Variants in PRDM16 observed in about 807,000 individuals in gnomAD.
PRDM16 encodes the protein histone-lysine N-methyltransferase PRDM16.
PRDM16 carries 23 observed loss-of-function variants against 110.6 expected under a neutral mutation model. The ratio of observed to expected loss-of-function variants is 0.21; its 90% CI spans 0.15 to 0.29. The LOEUF (loss-of-function observed/expected upper bound fraction) is 0.29, where lower values mean the gene tolerates loss of function less well. PRDM16 is among the 10% of genes least tolerant of loss of function. The probability of loss-of-function intolerance (pLI) is 1.00; values close to 1 mark genes in which losing one functional copy is unlikely to be tolerated. For synonymous variants in PRDM16, 799 were observed against 781.8 expected (o/e 1.02, Z -0.37); for missense variants, 1,615 against 1,794.3 (o/e 0.90, Z 1.81).
At chr1:3,139,658 A>AT (rs35271327) in intron 1 of PRDM16, among the ~76,000 whole-genome samples, 7,233 of 152,162 alleles carry the variant, frequency 0.048, 247 homozygotes, top group Non-Finnish European at 0.067. Flanking sequence ...CCCGGCTGTG[A>AT]TTTTTTTCTC....
chr1:3,104,256 G>A (rs889112050), intron 1 of PRDM16, among the ~76,000 whole-genome samples: 1 of 152,222 alleles, frequency 6.6e-6, no homozygotes, highest in Non-Finnish European at 1.5e-5. Flanking sequence ...CGGCCTCCCA[G>A]AGGGAAGTCA....
intron 3 of PRDM16, among the ~76,000 whole-genome samples, chr1:3,384,127 C>A (rs1394233018): frequency 6.6e-6 from 1 of 150,604 alleles, no homozygotes; most frequent in Non-Finnish European, 1.5e-5. Flanking sequence ...CCACATACAC[C>A]TGTCCAGCAG....
Position 3,148,695 on chromosome 1 carries a change from GAGC to G in PRDM16, c.38-37426_38-37424del, listed in dbSNP as rs78104618. Among the ~76,000 whole-genome samples the G allele has an allele frequency of 0.013, 1,936 of 152,294 alleles. 74 individuals carry two copies. The highest frequency in any genetic ancestry group is 0.11 in the East Asian group (555 of 5,164). On this transcript the variant is annotated intron_variant, in intron 1 of 16. Transcript: ENST00000270722. This position sits in a 1 kb window ranked among gnomAD's most constrained non-coding sequence, Gnocchi z 5.0. ...CCTTCTGGAAGTCCAGTTTGTGTCAGAGCAGCGGCCCAAAGCCAAAGGGTGGTG... is the reference window on the plus strand; with the variant it reads ...CCTTCTGGAAGTCCAGTTTGTGTCAGAGCGGCCCAAAGCCAAAGGGTGGTG...
In PRDM16 at chr1:3,120,332, C is replaced by T. The variant is rs1163590383; in HGVS notation, c.37+51036C>T. The stretch of plus-strand genomic sequence containing the variant: ...GAAGATTCCAGGGACGTGTCTGGTA[C>T]GCTTCAGCCTGGTTGAGGTCGTCAC... On this transcript the variant is annotated intron_variant, in intron 1 of 16. Coordinates refer to ENST00000270722, the MANE Select transcript of PRDM16 (RefSeq NM_022114.4). 5.9e-5 allele frequency among the ~76,000 whole-genome samples: 9 copies of T among 152,142 alleles called. No individual in the cohort carries two copies. The South Asian group carries it at 1.4e-3, about 24-fold the overall frequency.
chr1:3,271,508 G>C (rs547380756), intron 3 of PRDM16, among the ~76,000 whole-genome samples: 32 of 152,334 alleles, frequency 2.1e-4, no homozygotes, highest in Admixed American at 1.4e-3. Flanking sequence ...CCGTTGTCCT[G>C]CAGCGGACGT....
In PRDM16 at chr1:3,243,673, T is replaced by G. The variant is rs1472961452; in HGVS notation, c.388-414T>G. 6.6e-6 allele frequency among the ~76,000 whole-genome samples: 1 copy of G among 152,202 alleles called. No homozygotes were observed. Among genetic ancestry groups the G allele is most frequent in the Non-Finnish European group, 1.5e-5 (1 of 68,040 alleles). ...CGTGGTGTGATTCGCCGGCGGAACTTGGAGGAAACACAAATAGAGTCTGTT... is the reference window on the plus strand; with the variant it reads ...CGTGGTGTGATTCGCCGGCGGAACTGGGAGGAAACACAAATAGAGTCTGTT... On this transcript the variant is annotated intron_variant, in intron 2 of 16. Transcript: ENST00000270722. The surrounding 1 kb of genome is among the most constrained non-coding windows in gnomAD (Gnocchi z 5.5).
intron 2 of PRDM16, among the ~76,000 whole-genome samples, chr1:3,200,806 C>T (rs561589298): frequency 4.6e-5 from 7 of 152,294 alleles, no homozygotes; most frequent in Non-Finnish European, 7.4e-5. Flanking sequence ...TCTCCTGCAC[C>T]TAATCCCAGC....
At chr1:3,078,135 G>A (rs1641940560) in intron 1 of PRDM16, among the ~76,000 whole-genome samples, 1 of 152,144 alleles carries the variant, frequency 6.6e-6, no homozygotes. Context: ...GGGGGCTTCT[G>A]CAAGTTCCAT....
At chr1:3,340,696 A>G (rs1176816320) in intron 3 of PRDM16, among the ~76,000 whole-genome samples, 2 of 152,210 alleles carry the variant, frequency 1.3e-5, no homozygotes, top group East Asian at 1.9e-4. Context: ...CAGCCAGCAC[A>G]GTGTTAAATT....
At chr1:3,106,174 C>T (rs1642648105) in intron 1 of PRDM16, among the ~76,000 whole-genome samples, 1 of 152,206 alleles carries the variant, frequency 6.6e-6, no homozygotes, top group Non-Finnish European at 1.5e-5. Flanking sequence ...GGGGGAAGCC[C>T]CTGGGGGAGC....
In PRDM16 at chr1:3,201,824, C is replaced by A. The variant is rs1351882587; in HGVS notation, c.387+15350C>A. ...TCTACCTCGGGTTGGTGTCTCCCGC[C>A]CACTTCTGTGTCCACTGCAGAGCCT... On this transcript the variant is annotated intron_variant, in intron 2 of 16. Transcript: ENST00000270722. The surrounding 1 kb of genome is among the most constrained non-coding windows in gnomAD (Gnocchi z 4.1). 6.6e-6 allele frequency among the ~76,000 whole-genome samples: 1 copy of A among 152,238 alleles called. No homozygotes were observed. The highest frequency in any genetic ancestry group is 1.5e-5 in the Non-Finnish European group (1 of 68,044).
chr1:3,193,661 G>T (rs1198761186), intron 2 of PRDM16, among the ~76,000 whole-genome samples: 2 of 152,180 alleles, frequency 1.3e-5, no homozygotes, highest in Non-Finnish European at 2.9e-5. Context: ...CACCCAGCCG[G>T]GGAGGAGGTG....
intron 8 of PRDM16, among the ~76,000 whole-genome samples, chr1:3,409,646 ATGTG>A (rs747460172): frequency 2.7e-5 from 4 of 150,718 alleles, no homozygotes; most frequent in African/African-American, 9.8e-5. Context: ...ACTCGCCGGG[ATGTG>A]TGTGTGTGGT....
chr1:3,371,389 C>T (rs1355486024), intron 3 of PRDM16, among the ~76,000 whole-genome samples: 2 of 149,996 alleles, frequency 1.3e-5, no homozygotes. Context: ...CATCCATTCA[C>T]CCACCCATGC....
chr1:3,234,154 G>A (rs1015448299), intron 2 of PRDM16, among the ~76,000 whole-genome samples: 6 of 152,188 alleles, frequency 3.9e-5, no homozygotes, highest in African/African-American at 9.6e-5. Context: ...TGGGACTGTC[G>A]TGTTGATTTC....
Position 3,431,028 on chromosome 1 carries a change from C to T in PRDM16, c.3441C>T (p.Pro1147=), listed in dbSNP as rs759012727. ...AGGATGACACCGTGTCCCCCGCACC[C>T]GAGCCCCAGGCCGCCTACGAGGATG... ...KSQDDTVSPA[P]EPQAAYEDEE... Residue 1147 remains proline (P), a synonymous_variant, in exon 15 of 17, where the codon CCC becomes CCT. Coordinates refer to ENST00000270722, the MANE Select transcript of PRDM16 (RefSeq NM_022114.4). The T allele has an allele frequency of 2.0e-5, 31 of 1,570,060 alleles. No individual in the cohort carries two copies. Among genetic ancestry groups the T allele is most frequent in the Middle Eastern group, 3.5e-4 (2 of 5,714 alleles).
At chr1:3,260,667 G>T (rs1640139508) in intron 3 of PRDM16, among the ~76,000 whole-genome samples, 1 of 149,008 alleles carries the variant, frequency 6.7e-6, no homozygotes, top group African/African-American at 2.5e-5. Flanking sequence ...AGGAAATGAT[G>T]ATCATAGCTT....
At chr1:3,304,699 T>G (rs1641274651) in intron 3 of PRDM16, among the ~76,000 whole-genome samples, 1 of 152,158 alleles carries the variant, frequency 6.6e-6, no homozygotes, top group Non-Finnish European at 1.5e-5. Flanking sequence ...GGTGTCTCTG[T>G]GAGCACGTCT....
At chr1:3,283,194 T>G (rs1159890639) in intron 3 of PRDM16, among the ~76,000 whole-genome samples, 1 of 152,104 alleles carries the variant, frequency 6.6e-6, no homozygotes, top group Middle Eastern at 3.2e-3. Context: ...TCCCTCCTGC[T>G]TGGGCTCCAC....
Sources: allele counts gnomAD v4.1 joint callset (sites outside exome capture counted in the v4.1 genomes callset), GRCh38; gene constraint gnomAD v4.1.1; non-coding constraint Gnocchi (gnomAD v3.1); transcripts MANE v1.5; gene names NCBI Gene and HGNC (gene_info 2026-07-23, HGNC 2026-07-21).